Variants in NAV1 observed in about 807,000 individuals in gnomAD.
NAV1 encodes the protein pore membrane and/or filament interacting like protein 3.
A neutral mutation model predicts 175.2 loss-of-function variants in NAV1; 18 were observed. The ratio of observed to expected loss-of-function variants is 0.10; its 90% CI spans 0.07 to 0.15. The LOEUF (loss-of-function observed/expected upper bound fraction) is 0.15, where lower values mean the gene tolerates loss of function less well. NAV1 is among the 10% of genes least tolerant of loss of function. The pLI is 1.00. For missense variants in NAV1, 1,731 were observed against 2,436.6 expected (o/e 0.71, Z 6.10); for synonymous variants, 897 against 978.7 (o/e 0.92, Z 1.56).
At chr1:201,611,489 C>A (rs556978183) in intron 2 of NAV1, among the ~76,000 whole-genome samples, 14 of 152,166 alleles carry the variant, frequency 9.2e-5, no homozygotes, top group Non-Finnish European at 1.5e-4. Flanking sequence ...GGAAACACTG[C>A]GGCCTTATGC....
Position 201,642,551 on chromosome 1 carries a change from T to TCCTTCCTTCCTTCC in NAV1, c.5-6083_5-6082insCCTTCCTTCCTTCC, listed in dbSNP as rs774880183. Among the ~76,000 whole-genome samples, 175 of 102,386 alleles carry TCCTTCCTTCCTTCC rather than the reference T, an allele frequency of 1.7e-3. 3 individuals carry two copies. Among genetic ancestry groups the TCCTTCCTTCCTTCC allele is most frequent in the African/African-American group, 7.3e-3 (134 of 18,396 alleles). The allele number at this position is 102,386 out of a possible 152,430, so 67.2% of individuals were successfully genotyped here. On this transcript the variant is annotated intron_variant, in intron 2 of 29. Coordinates refer to the NAV1 transcript ENST00000367302. ...TTTCTTTCTTTCTTTCTTTCTTTCT[T>TCCTTCCTTCCTTCC]TCTTTTTTCCCTTTCTTCCCTTCCT...
intron 1 of NAV1, among the ~76,000 whole-genome samples, chr1:201,677,976 C>G (rs1670319512): frequency 6.6e-6 from 1 of 152,060 alleles, no homozygotes; most frequent in African/African-American, 2.4e-5. Flanking sequence ...ACATGCTGCC[C>G]CATTCTGCTT....
At position 201,782,055 on chromosome 1, in the gene NAV1, G is replaced by A. The variant is rs769903624; in HGVS notation, c.1664-121G>A. Reference sequence around the variant, plus strand: ...TCTTGTACCTGTTTACCCAAATTTAGGCCTCTAAAAGTCTACAATACATGG... The same window carrying A: ...TCTTGTACCTGTTTACCCAAATTTAAGCCTCTAAAAGTCTACAATACATGG... On this transcript the variant is annotated intron_variant, in intron 5 of 29. Transcript: ENST00000367296. This position sits in a 1 kb window ranked among gnomAD's most constrained non-coding sequence, Gnocchi z 5.4. The A allele has an allele frequency of 1.6e-5, 13 of 818,892 alleles. No homozygotes were observed. Among genetic ancestry groups the A allele is most frequent in the Non-Finnish European group, 2.2e-5 (12 of 537,002 alleles). 50.7% of individuals were successfully genotyped at this position (818,892 alleles called of 1,614,324 possible). A position where few individuals can be genotyped will look rare whatever the true frequency, so the allele number is the denominator to read the frequency against.
chr1:201,648,809 C>A (rs1239960478), exon 1 of NAV1: 1 of 1,566,670 alleles, frequency 6.4e-7, no homozygotes, highest in Admixed American at 1.9e-5. Flanking sequence ...CCAAGCGCGC[C>A]AAGGCGCCCG....
intron 3 of NAV1, chr1:201,719,526 G>A (rs1296333763): frequency 6.6e-6 from 1 of 151,458 alleles, no homozygotes; most frequent in Non-Finnish European, 1.5e-5. Context: ...AGGACCCCAA[G>A]CCCCCAGCAC....
Position 201,788,695 on chromosome 1 carries a change from C to T in NAV1, c.3166+57C>T. The T allele has an allele frequency of 6.7e-7, 1 of 1,501,846 alleles. No homozygotes were observed. The highest frequency in any genetic ancestry group is 2.3e-5 in the East Asian group (1 of 43,688). The allele number at this position is 1,501,846 out of a possible 1,614,324, so 93.0% of individuals were successfully genotyped here. On this transcript the variant is annotated intron_variant, in intron 10 of 29. Coordinates refer to ENST00000367296, the Ensembl canonical transcript of NAV1. This position sits in a 1 kb window ranked among gnomAD's most constrained non-coding sequence, Gnocchi z 5.7. ...ATTCCAGCTCTGCTGGGTCCCCTCA[C>T]CCACCACCTCCACTCCCACCACTCC...
intron 3 of NAV1, among the ~76,000 whole-genome samples, chr1:201,770,442 G>T (rs936947605): frequency 5.3e-5 from 8 of 152,200 alleles, no homozygotes; most frequent in African/African-American, 1.9e-4. Flanking sequence ...GAGCACTCAA[G>T]GGGCTAATTT....
rs543549154 is a variant in NAV1, at chr1:201,704,986, AATT to A, written c.758-7824_758-7822del. ...TGTGCCCCCAAGCTAGAACTCTAAA[AATT>A]ATTATTTTTTATAGTGATGGGCTCT... On this transcript the variant is annotated intron_variant, in intron 1 of 29. Coordinates refer to ENST00000367296, the Ensembl canonical transcript of NAV1. Among the ~76,000 whole-genome samples the A allele has an allele frequency of 3.2e-3, 490 of 152,164 alleles. 1 individual carries two copies. Among genetic ancestry groups the A allele is most frequent in the Middle Eastern group, 0.01 (3 of 292 alleles).
At chr1:201,657,529 A>G (rs1669452523) in intron 1 of NAV1, among the ~76,000 whole-genome samples, 1 of 152,086 alleles carries the variant, frequency 6.6e-6, no homozygotes, top group African/African-American at 2.4e-5. Context: ...TTGGAACAAG[A>G]CCTGATAGGA....
intron 1 of NAV1, among the ~76,000 whole-genome samples, chr1:201,692,396 G>A (rs942943103): frequency 8.5e-5 from 13 of 152,302 alleles, no homozygotes; most frequent in Middle Eastern, 3.4e-3. Flanking sequence ...GGAATGGTGA[G>A]TTTTACTGTA....
rs542958219 is a variant in NAV1, at chr1:201,712,737, T to C, written c.758-80T>C. ...AGGGACTAGCCTCCTGGGGACACTGTCAATCTCCACTTCCTGACCCCCAGG... is the reference window on the plus strand; with the variant it reads ...AGGGACTAGCCTCCTGGGGACACTGCCAATCTCCACTTCCTGACCCCCAGG... On this transcript the variant is annotated intron_variant, in intron 1 of 29. Transcript: ENST00000367296. 11 of 971,256 alleles carry C rather than the reference T, an allele frequency of 1.1e-5. No homozygotes were observed. The Admixed American group carries it at 1.9e-4, about 17-fold the overall frequency. 60.2% of individuals were successfully genotyped at this position (971,256 alleles called of 1,614,324 possible).
intron 1 of NAV1, among the ~76,000 whole-genome samples, chr1:201,658,885 C>T (rs908632321): frequency 2.0e-5 from 3 of 152,172 alleles, no homozygotes; most frequent in African/African-American, 7.2e-5. Flanking sequence ...AGAGGTTGGC[C>T]CTCTGAGAGG....
At chr1:201,811,671 C>T (rs377712269) in exon 25 of NAV1, 3 of 1,613,948 alleles carry the variant, frequency 1.9e-6, no homozygotes, top group Non-Finnish European at 2.5e-6. Context: ...GGGATGTGCC[C>T]CTGGTGATTC....
intron 1 of NAV1, among the ~76,000 whole-genome samples, chr1:201,580,338 A>G (rs1056426522): frequency 6.6e-6 from 1 of 152,264 alleles, no homozygotes; most frequent in Non-Finnish European, 1.5e-5. Flanking sequence ...AAAATTAACA[A>G]TCACAGTACT....
intron 2 of NAV1, among the ~76,000 whole-genome samples, chr1:201,604,744 AAG>A (rs1193587344): frequency 1.7e-4 from 26 of 149,702 alleles, no homozygotes; most frequent in Non-Finnish European, 2.2e-4. Context: ...GAAAGAAAGA[AAG>A]AGAGAGAGAG....
chr1:201,607,915 T>TGTGTGTGTGTG (rs1553243548), intron 2 of NAV1, among the ~76,000 whole-genome samples: 5 of 148,894 alleles, frequency 3.4e-5, no homozygotes, highest in African/African-American at 7.4e-5. Flanking sequence ...TGTGTGTGTG[T>TGTGTGTGTGTG]TATGAACAGT....
At chr1:201,715,284 T>C (rs61821708) in intron 2 of NAV1, among the ~76,000 whole-genome samples, 23,558 of 151,694 alleles carry the variant, frequency 0.16, 2,042 homozygotes, top group Middle Eastern at 0.24. Context: ...CCTCAGCCTC[T>C]GAAGTAGCTG....
chr1:201,668,744 G>A (rs1021001113), intron 1 of NAV1, among the ~76,000 whole-genome samples: 6 of 152,114 alleles, frequency 3.9e-5, no homozygotes, highest in South Asian at 2.1e-4. Flanking sequence ...GGCTTTTAAC[G>A]GTCCTGCCTG....
At chr1:201,653,108 G>T (rs1669268579) in intron 1 of NAV1, among the ~76,000 whole-genome samples, 1 of 151,732 alleles carries the variant, frequency 6.6e-6, no homozygotes, top group Non-Finnish European at 1.5e-5. Flanking sequence ...ACTTTCATGT[G>T]ATCATAATGC....
Sources: gnomAD v4.1 joint callset for allele counts (sites outside exome capture counted in the v4.1 genomes callset) on GRCh38, gnomAD v4.1.1 for gene constraint, Gnocchi (gnomAD v3.1) non-coding constraint, MANE v1.5 for transcripts, NCBI Gene and HGNC (gene_info 2026-07-23, HGNC 2026-07-21) for gene names.